The following SLC6A12 variants were observed in gnomAD, a reference collection of about 807,000 sequenced individuals.
The protein encoded by SLC6A12 is sodium- and chloride-dependent betaine transporter.
SLC6A12 carries 50 observed loss-of-function variants against 73.3 expected under a neutral mutation model. The ratio of observed to expected loss-of-function variants is 0.68; its 90% confidence interval spans 0.54 to 0.86. The LOEUF (loss-of-function observed/expected upper bound fraction) is 0.86. Among genes scored for constraint, SLC6A12 ranks in the 40% least tolerant of loss-of-function variants. The pLI is 0.00. For synonymous variants in SLC6A12, 304 were observed against 309.2 expected (o/e 0.98, Z 0.18); for missense variants, 648 against 772.8 (o/e 0.84, Z 1.92).
Position 197,791 on chromosome 12 carries a change from C to T in SLC6A12, c.950+109G>A, listed in dbSNP as rs887117312. The stretch of plus-strand genomic sequence containing the variant: ...AACCCATAAGTTCAGTCTGATACAA[C>T]GTATAATGAATAAGGAAGGTCTGGG... On this transcript the variant is annotated intron_variant, in intron 9 of 15. Coordinates refer to ENST00000684302, the MANE Select transcript of SLC6A12 (RefSeq NM_001122848.3). 6.9e-5 allele frequency: 53 copies of T among 771,482 alleles called. 1 individual carries two copies. In the East Asian group the frequency reaches 1.0e-3, roughly 15 times the overall value. The allele number at this position is 771,482 out of a possible 1,614,324, so 47.8% of individuals were successfully genotyped here. A position where few individuals can be genotyped will look rare whatever the true frequency, so the allele number is the denominator to read the frequency against.
chr12:210,161 T>G, intron 2 of SLC6A12, 118 bp from the exon 3 acceptor site: 1 of 1,305,402 alleles, frequency 7.7e-7, no homozygotes. Flanking sequence ...CCATGGCATT[T>G]ACACCTAAAG....
In SLC6A12 at chr12:196,150, G is replaced by A; in HGVS notation, c.1300C>T (p.Leu434=). 2 of 1,567,154 alleles carry A rather than the reference G, an allele frequency of 1.3e-6. No homozygotes were observed. Among genetic ancestry groups the A allele is most frequent in the Non-Finnish European group, 1.7e-6 (2 of 1,155,666 alleles). Residue 434 remains leucine (L), a synonymous_variant, in exon 12 of 16, where the codon CTG becomes TTG. Transcript: ENST00000684302. The part of the protein sequence containing the change: ...LILTIAVMCY[L]IGLFLVTEGG... ...TCGGTGACCAGGAAAAGCCCTATCA[G>A]GTAGCACATGACGGCGATGGTGAGG...
intron 15 of SLC6A12, among the ~76,000 whole-genome samples, chr12:191,707 T>C (rs1939609540): frequency 6.6e-6 from 1 of 152,196 alleles, no homozygotes; most frequent in South Asian, 2.1e-4. Flanking sequence ...CCTTCTTGCC[T>C]TGAATGCAGA....
In SLC6A12 at chr12:201,847, G is replaced by A. The variant is rs779408745; in HGVS notation, c.493C>T (p.His165Tyr). 4.4e-5 allele frequency: 71 copies of A among 1,613,530 alleles called. No individual in the cohort carries two copies. The South Asian group carries it at 7.7e-4, about 17-fold the overall frequency. ...TTCNNFWNTEHCTDFLNHSGA... is the reference protein window; with the variant it reads ...TTCNNFWNTEYCTDFLNHSGA... The stretch of plus-strand genomic sequence containing the variant: ...GAGTGGTTCAGAAAGTCCGTGCAAT[G>A]CTCTGTTGGGGACAAGGTTAGGGAC... Residue 165 changes from histidine (H) to tyrosine (Y), a missense_variant and splice_region_variant, in exon 6 of 16, where the codon CAT (histidine) becomes TAT (tyrosine). Coordinates refer to ENST00000684302, the MANE Select transcript of SLC6A12 (RefSeq NM_001122848.3).
chr12:213,979 G>A lies in SLC6A12; in HGVS notation c.-200C>T, dbSNP rs1941007951. On this transcript the variant is annotated 5_prime_UTR_variant, in exon 1 of 16. Coordinates refer to ENST00000684302, the MANE Select transcript of SLC6A12 (RefSeq NM_001122848.3). The surrounding 1 kb of genome is among the most constrained non-coding windows in gnomAD (Gnocchi z 5.3). ...TTGGCTGTGGGCATCAGGTCTCCAG[G>A]AGAGTCCCAAGGCAGCTGCTTATGG... The A allele has an allele frequency of 6.6e-6, 1 of 152,468 alleles. No homozygotes were observed. The highest frequency in any genetic ancestry group is 1.5e-5 in the Non-Finnish European group (1 of 68,264). The allele number at this position is 152,468 out of a possible 1,614,324, so 9.4% of individuals were successfully genotyped here.
chr12:205,902 C>T (rs910432427), intron 3 of SLC6A12, among the ~76,000 whole-genome samples: 2 of 152,184 alleles, frequency 1.3e-5, no homozygotes, highest in African/African-American at 4.8e-5. Flanking sequence ...TAGTGCACTT[C>T]GTCAGTATGT....
In SLC6A12 at chr12:198,796, C is replaced by T; in HGVS notation, c.846+1G>A. Reference sequence around the variant, plus strand: ...GGAAGTGGTCCCAGCACGGTACATACCTGAGGGTCCTTGAGGCGGAACAAA... The same window carrying T: ...GGAAGTGGTCCCAGCACGGTACATATCTGAGGGTCCTTGAGGCGGAACAAA... On this transcript the variant is annotated splice_donor_variant, in intron 8 of 15. Coordinates refer to ENST00000684302, the MANE Select transcript of SLC6A12 (RefSeq NM_001122848.3). LOFTEE classifies it high-confidence loss of function. This position sits in a 1 kb window ranked among gnomAD's most constrained non-coding sequence, Gnocchi z 4.0. 2 of 1,614,150 alleles carry T rather than the reference C, an allele frequency of 1.2e-6. No individual in the cohort carries two copies. Among genetic ancestry groups the T allele is most frequent in the Non-Finnish European group, 1.7e-6 (2 of 1,180,032 alleles).
At chr12:200,250 AGG>A in intron 7 of SLC6A12, among the ~76,000 whole-genome samples, 1 of 150,550 alleles carries the variant, frequency 6.6e-6, no homozygotes, top group East Asian at 2.0e-4. Context: ...CTGGGACTAC[AGG>A]TGCCCACCAC....
chr12:188,722 G>A (rs1939490815), downstream of SLC6A12, among the ~76,000 whole-genome samples: 1 of 151,770 alleles, frequency 6.6e-6, no homozygotes, highest in African/African-American at 2.4e-5. Flanking sequence ...TGCACACACA[G>A]GCACACACAC....
In SLC6A12 at chr12:198,064, C is replaced by A. The variant is rs12311166; in HGVS notation, c.847-61G>T. 7.1e-7 allele frequency: 1 copy of A among 1,399,898 alleles called. No individual in the cohort carries two copies. Among genetic ancestry groups the A allele is most frequent in the South Asian group, 1.2e-5 (1 of 85,532 alleles). 86.7% of individuals were successfully genotyped at this position (1,399,898 alleles called of 1,614,324 possible). On this transcript the variant is annotated intron_variant, in intron 8 of 15. Transcript: ENST00000684302. The surrounding 1 kb of genome is among the most constrained non-coding windows in gnomAD (Gnocchi z 4.0). ...CCCAGGGCCCAGAGCCAGGGTGACC[C>A]GAGATCCAGACCCGTCCCCTGCAGC...
rs779388032 is a variant in SLC6A12, at chr12:210,001, T to C, written c.-15A>G. ...TTCCCGTCCATGGCTGTGTGGTGGG[T>C]TGGGAAGCCCCGCTGGGTGGGCAGG... On this transcript the variant is annotated 5_prime_UTR_variant, in exon 3 of 16. Transcript: ENST00000684302. 13 of 1,613,030 alleles carry C rather than the reference T, an allele frequency of 8.1e-6. No homozygotes were observed. Among genetic ancestry groups the C allele is most frequent in the Non-Finnish European group, 1.0e-5 (12 of 1,179,182 alleles).
At position 193,476 on chromosome 12, in the gene SLC6A12, C is replaced by T. The variant is rs933370869; in HGVS notation, c.1430-99G>A. ...ACTTGGCTCTGTGCCCTTCCCTCAC[C>T]CCCGCCCTGTGCAGGGAAACTGGAA... On this transcript the variant is annotated intron_variant, in intron 13 of 15. Coordinates refer to ENST00000684302, the MANE Select transcript of SLC6A12 (RefSeq NM_001122848.3). 18 of 839,680 alleles carry T rather than the reference C, an allele frequency of 2.1e-5. 1 individual carries two copies. The highest frequency in any genetic ancestry group is 5.2e-5 in the East Asian group (2 of 38,484). 52.0% of individuals were successfully genotyped at this position (839,680 alleles called of 1,614,324 possible). A position where few individuals can be genotyped will look rare whatever the true frequency, so the allele number is the denominator to read the frequency against.
At chr12:202,908 G>A in intron 4 of SLC6A12, 28 bp from the exon 5 acceptor site, 1 of 1,606,280 alleles carries the variant, frequency 6.2e-7, no homozygotes. Context: ...AGATGGGGAG[G>A]GACAAGAGAG....
At chr12:210,312 T>C (rs1940851846) in intron 2 of SLC6A12, 6 of 1,204,084 alleles carry the variant, frequency 5.0e-6, no homozygotes, top group Non-Finnish European at 5.2e-6. Context: ...GGCTCGGGCT[T>C]TTCATTTTCA....
chr12:201,425 T>G (rs1293044587), intron 6 of SLC6A12: 2 of 279,516 alleles, frequency 7.2e-6, no homozygotes, highest in African/African-American at 2.2e-5. Context: ...CCACCGAGCA[T>G]GGCAGTGGGA....
chr12:196,160 G>A lies in SLC6A12; in HGVS notation c.1290C>T (p.Val430=). Reference sequence around the variant, plus strand: ...GGAAAAGCCCTATCAGGTAGCACATGACGGCGATGGTGAGGATGAGGAGCT... The same window carrying A: ...GGAAAAGCCCTATCAGGTAGCACATAACGGCGATGGTGAGGATGAGGAGCT... ...RRELLILTIA[V]MCYLIGLFLV... is the part of the protein sequence containing the mutation. Residue 430 remains valine (V), a synonymous_variant, in exon 12 of 16, where the codon GTC becomes GTT. Coordinates refer to ENST00000684302, the MANE Select transcript of SLC6A12 (RefSeq NM_001122848.3). 1 of 1,571,270 alleles carries A rather than the reference G, an allele frequency of 6.4e-7. No homozygotes were observed. The highest frequency in any genetic ancestry group is 8.6e-7 in the Non-Finnish European group (1 of 1,158,084).
At chr12:187,365 T>C (rs1456093286), downstream of SLC6A12, among the ~76,000 whole-genome samples, 1 of 151,982 alleles carries the variant, frequency 6.6e-6, no homozygotes, top group South Asian at 2.1e-4. Context: ...TTTTTCCTTC[T>C]GGTAGGTTCG....
chr12:187,635 A>C (rs663638), downstream of SLC6A12, among the ~76,000 whole-genome samples: 196 of 69,158 alleles, frequency 2.8e-3, 12 homozygotes, highest in Middle Eastern at 9.1e-3. Context: ...AAAAAAACAA[A>C]CCACACACAC....
At chr12:188,853 C>A (rs540343974), downstream of SLC6A12, among the ~76,000 whole-genome samples, 1 of 152,276 alleles carries the variant, frequency 6.6e-6, no homozygotes, top group African/African-American at 2.4e-5. Context: ...CCCTTTCCCG[C>A]ACCCCCCTCC....
Sources: gnomAD v4.1 joint callset for allele counts (sites outside exome capture counted in the v4.1 genomes callset) on GRCh38, gnomAD v4.1.1 for gene constraint, Gnocchi (gnomAD v3.1) non-coding constraint, MANE v1.5 for transcripts, NCBI Gene and HGNC (gene_info 2026-07-23, HGNC 2026-07-21) for gene names.